GNA12: variants seen among roughly 807,000 people sequenced by gnomAD.
GNA12 encodes guanine nucleotide-binding protein subunit alpha-12.
GNA12 carries 9 observed loss-of-function variants against 26.0 expected under a neutral mutation model. The ratio of observed to expected loss-of-function variants is 0.35; its 90% CI spans 0.21 to 0.60. The LOEUF is 0.60. Ranked by LOEUF, GNA12 falls within the 20% of genes least tolerant of loss-of-function variation. GNA12 has a pLI of 0.78. For missense variants in GNA12, 405 were observed against 525.8 expected, an observed-to-expected ratio of 0.77 and a Z score of 2.25; for synonymous variants, 264 against 219.6, an observed-to-expected ratio of 1.20 and a Z score of -1.79.
intron 2 of GNA12, among the ~76,000 whole-genome samples, chr7:2,788,583 A>G (rs1052456336): frequency 1.3e-5 from 2 of 152,232 alleles, no homozygotes; most frequent in Non-Finnish European, 2.9e-5. Context: ...TATTCAGGCA[A>G]TTCTGTACCT....
At chr7:2,825,329 C>T (rs146198458) in intron 1 of GNA12, among the ~76,000 whole-genome samples, 2,273 of 152,326 alleles carry the variant, frequency 0.015, 29 homozygotes, top group Non-Finnish European at 0.025. Context: ...AAGCACAACA[C>T]TCGCTGCTAC....
intron 2 of GNA12, among the ~76,000 whole-genome samples, chr7:2,753,215 C>T (rs751336914): frequency 6.6e-6 from 1 of 152,012 alleles, no homozygotes; most frequent in African/African-American, 2.4e-5. Context: ...AATGCAGCGG[C>T]ATGATCATGG....
intron 1 of GNA12, among the ~76,000 whole-genome samples, chr7:2,799,559 G>A (rs1792759234): frequency 6.6e-6 from 1 of 152,132 alleles, no homozygotes; most frequent in Non-Finnish European, 1.5e-5. Context: ...TCCAGCCTGG[G>A]TGACAGAGCA....
intron 1 of GNA12, among the ~76,000 whole-genome samples, chr7:2,820,401 C>CTTTTTTTTTTTTTTTTT (rs35674433): frequency 7.9e-6 from 1 of 126,370 alleles, no homozygotes; most frequent in African/African-American, 3.0e-5. Flanking sequence ...CTCAATAAAG[C>CTTTTTTTTTTTTTTTTT]TTTTTTTTTT....
At chr7:2,757,574 G>A (rs35204498) in intron 2 of GNA12, among the ~76,000 whole-genome samples, 259 of 152,346 alleles carry the variant, frequency 1.7e-3, no homozygotes, top group Non-Finnish European at 2.5e-3. Flanking sequence ...ACCAGCCTGC[G>A]AGGTTCCGAG....
At chr7:2,797,736 C>T (rs898045708) in intron 1 of GNA12, among the ~76,000 whole-genome samples, 3 of 152,250 alleles carry the variant, frequency 2.0e-5, no homozygotes, top group South Asian at 2.1e-4. Flanking sequence ...CTGACCAGGA[C>T]GGTCTGGTTA....
chr7:2,801,782 G>A lies in GNA12; in HGVS notation c.310-6639C>T, dbSNP rs150185479. 4.6e-3 allele frequency among the ~76,000 whole-genome samples: 705 copies of A among 151,926 alleles called. 8 individuals carry two copies. Among genetic ancestry groups the A allele is most frequent in the African/African-American group, 0.016 (665 of 41,420 alleles). On this transcript the variant is annotated intron_variant, in intron 1 of 3. Coordinates refer to ENST00000275364, the MANE Select transcript of GNA12 (RefSeq NM_007353.3). Reference sequence around the variant, plus strand: ...AACTGCTCTCTGCCAACTTTGTTCTGAAAATCCACATCTGAGTTCCAGCGA... The same window carrying A: ...AACTGCTCTCTGCCAACTTTGTTCTAAAAATCCACATCTGAGTTCCAGCGA...
chr7:2,805,571 C>A (rs1792926028), intron 1 of GNA12, among the ~76,000 whole-genome samples: 1 of 152,208 alleles, frequency 6.6e-6, no homozygotes, highest in South Asian at 2.1e-4. Context: ...AGCAGAGGAA[C>A]AGGCAGGAGG....
chr7:2,768,861 A>G (rs1791878742), intron 2 of GNA12, among the ~76,000 whole-genome samples: 1 of 152,208 alleles, frequency 6.6e-6, no homozygotes, highest in Non-Finnish European at 1.5e-5. Flanking sequence ...TGGTTTATAT[A>G]AATGGGATAA....
At chr7:2,734,975 G>C (rs960011287) in intron 2 of GNA12, among the ~76,000 whole-genome samples, 1 of 152,156 alleles carries the variant, frequency 6.6e-6, no homozygotes, top group Non-Finnish European at 1.5e-5. Flanking sequence ...CCAAGCCCCC[G>C]TGATGTGGGA....
chr7:2,807,267 ATACTTTATTTTCCTCTAAG>A (rs1349583307), intron 1 of GNA12, among the ~76,000 whole-genome samples: 1 of 152,030 alleles, frequency 6.6e-6, no homozygotes, highest in Non-Finnish European at 1.5e-5. Flanking sequence ...ACTGATTTTT[ATACTTTATTTTCCTCTAAG>A]TCCCATTATA....
At chr7:2,755,956 G>A (rs1438128945) in intron 2 of GNA12, among the ~76,000 whole-genome samples, 4 of 152,216 alleles carry the variant, frequency 2.6e-5, no homozygotes, top group African/African-American at 9.6e-5. Context: ...TTTTTTGGTA[G>A]AAATTGACAA....
Position 2,844,180 on chromosome 7 carries a change from C to G in GNA12, c.-19G>C, listed in dbSNP as rs1439892387. On this transcript the variant is annotated 5_prime_UTR_variant, in exon 1 of 4. Coordinates refer to ENST00000275364, the MANE Select transcript of GNA12 (RefSeq NM_007353.3). The stretch of plus-strand genomic sequence containing the variant: ...CGGACATGGCCCCTCAGGCCGCGGC[C>G]GCGCCCCGCCGGCGCCCGGGGGCCA... 1.6e-5 allele frequency: 16 copies of G among 980,582 alleles called. No individual in the cohort carries two copies. The highest frequency in any genetic ancestry group is 1.8e-5 in the Non-Finnish European group (15 of 827,828). The allele number at this position is 980,582 out of a possible 1,614,324, so 60.7% of individuals were successfully genotyped here.
At chr7:2,744,343 G>T (rs930019084) in intron 2 of GNA12, among the ~76,000 whole-genome samples, 1 of 152,188 alleles carries the variant, frequency 6.6e-6, no homozygotes, top group Non-Finnish European at 1.5e-5. Flanking sequence ...CGATCAGGCA[G>T]CAGCATTTGT....
At chr7:2,742,768 C>T (rs148979517) in intron 2 of GNA12, among the ~76,000 whole-genome samples, 33 of 152,316 alleles carry the variant, frequency 2.2e-4, no homozygotes, top group Middle Eastern at 3.4e-3. Flanking sequence ...GATTTATTCT[C>T]AGGTATGTAA....
rs542560613 is a variant in GNA12 at position 2,814,413 on chromosome 7, C to T, written c.310-19270G>A. 4.5e-6 allele frequency: 6 copies of T among 1,342,560 alleles called. No individual in the cohort carries two copies. In the African/African-American group the frequency reaches 7.1e-5, roughly 16 times the overall value. 83.2% of individuals were successfully genotyped at this position (1,342,560 alleles called of 1,614,324 possible). ...CCCTGCAAGTCAACATTTAAGAATT[C>T]CTATAATCTGAATTAAAGACAATTA... On this transcript the variant is annotated intron_variant, in intron 1 of 3. Transcript: ENST00000275364.
chr7:2,744,719 C>T (rs944058032), intron 2 of GNA12, among the ~76,000 whole-genome samples: 2 of 152,112 alleles, frequency 1.3e-5, no homozygotes, highest in African/African-American at 4.8e-5. Context: ...TCAAACTACT[C>T]TGAGCTACAG....
At chr7:2,758,872 C>T (rs1409577940) in intron 2 of GNA12, among the ~76,000 whole-genome samples, 4 of 152,086 alleles carry the variant, frequency 2.6e-5, no homozygotes, top group Non-Finnish European at 5.9e-5. Context: ...CTGCTGGGCG[C>T]GGTGGCTCAT....
At chr7:2,763,998 G>A (rs1282149463) in intron 2 of GNA12, among the ~76,000 whole-genome samples, 3 of 152,202 alleles carry the variant, frequency 2.0e-5, no homozygotes, top group Admixed American at 6.5e-5. Flanking sequence ...CGCACCTAAA[G>A]TGAGGCTTGC....
Sources: gnomAD v4.1 joint callset for allele counts (sites outside exome capture counted in the v4.1 genomes callset) on GRCh38, gnomAD v4.1.1 for gene constraint, MANE v1.5 for transcripts, NCBI Gene and HGNC (gene_info 2026-07-23, HGNC 2026-07-21) for gene names.